P4HA3: variants seen among roughly 807,000 people sequenced by gnomAD.
The protein encoded by P4HA3 is prolyl 4-hydroxylase subunit alpha-3.
Under a neutral mutation model 66.7 loss-of-function variants are expected in P4HA3, and 60 were observed. The observed-to-expected ratio is 0.90, with a 90% CI of 0.73 to 1.12. The LOEUF (loss-of-function observed/expected upper bound fraction) is 1.12. P4HA3 is among the 50% of genes most tolerant of loss of function. The probability of loss-of-function intolerance (pLI) is 0.00; values close to 1 mark genes in which losing one functional copy is unlikely to be tolerated. For missense variants in P4HA3, 683 were observed against 685.8 expected, an observed-to-expected ratio of 1.00 and a Z score of 0.05; for synonymous variants, 263 against 274.6, an observed-to-expected ratio of 0.96 and a Z score of 0.42.
intron 15 of P4HA3, chr11:74,251,903 C>A: frequency 1.2e-6 from 1 of 815,050 alleles, no homozygotes; most frequent in Non-Finnish European, 2.1e-6. Context: ...TTTCTTTGTG[C>A]TGTGCTCCCA....
At chr11:74,284,337 GAAAC>G (rs1860707583) in intron 7 of P4HA3, among the ~76,000 whole-genome samples, 1 of 152,192 alleles carries the variant, frequency 6.6e-6, no homozygotes, top group Non-Finnish European at 1.5e-5. Context: ...TCTGACCAGT[GAAAC>G]ATGGGTGGAA....
chr11:74,297,970 C>T (rs1358519010), intron 4 of P4HA3, among the ~76,000 whole-genome samples: 1 of 152,180 alleles, frequency 6.6e-6, no homozygotes, highest in Non-Finnish European at 1.5e-5. Flanking sequence ...TTGGAAAGAG[C>T]ACTGGACTAA....
At chr11:74,269,306 C>A (rs182835925) in intron 11 of P4HA3, among the ~76,000 whole-genome samples, 110 of 152,194 alleles carry the variant, frequency 7.2e-4, no homozygotes, top group African/African-American at 2.5e-3. Context: ...CTCTAGCTCT[C>A]AATGTGGACT....
chr11:74,294,359 T>G (rs546218955), intron 4 of P4HA3, among the ~76,000 whole-genome samples: 6,035 of 152,242 alleles, frequency 0.04, 122 homozygotes, highest in Middle Eastern at 0.11. Context: ...TAATTTTTTT[T>G]CAAAGCTTTT....
rs1341161052 is a variant in P4HA3 at position 74,269,926 on chromosome 11, A to G, written c.1399-206T>C. Reference sequence around the variant, plus strand: ...TTTGCCTACAGGGCCACAAGAGGACAATGTTTTGGTATTCTTCCTTTCTTT... The same window carrying G: ...TTTGCCTACAGGGCCACAAGAGGACGATGTTTTGGTATTCTTCCTTTCTTT... On this transcript the variant is annotated intron_variant, in intron 10 of 12. Coordinates refer to ENST00000331597, the MANE Select transcript of P4HA3 (RefSeq NM_182904.5). Among the ~76,000 whole-genome samples the G allele has an allele frequency of 2.0e-5, 3 of 152,320 alleles. No homozygotes were observed. In the East Asian group the frequency reaches 5.8e-4, roughly 29 times the overall value.
intron 12 of P4HA3, 101 bp downstream of exon 12, chr11:74,268,044 G>A (rs745568018): frequency 3.0e-6 from 3 of 989,160 alleles, no homozygotes; most frequent in Admixed American, 4.0e-5. Context: ...CTGTAATGAA[G>A]CGTTTGGAAT....
At position 74,304,299 on chromosome 11, in the gene P4HA3, T is replaced by C. The variant is rs760965843; in HGVS notation, c.314A>G (p.His105Arg). The stretch of plus-strand genomic sequence containing the variant: ...GATGTTCTCACTGGCCTCCAGACTA[T>C]GTACCACATTCCTCCAGTCAGACTG... ...RLQSDWRNVV[H>R]SLEASENIRA... is the part of the protein sequence containing the mutation. Residue 105 changes from histidine to arginine, a missense_variant, in exon 2 of 13, where the codon CAT becomes CGT. Coordinates refer to ENST00000331597, the MANE Select transcript of P4HA3 (RefSeq NM_182904.5). 4 of 1,614,076 alleles carry C rather than the reference T, an allele frequency of 2.5e-6. No homozygotes were observed. Among genetic ancestry groups the C allele is most frequent in the South Asian group, 1.1e-5 (1 of 91,070 alleles).
intron 10 of P4HA3, 47 bp from the exon 11 acceptor site, chr11:74,269,767 C>T (rs760453798): frequency 3.8e-6 from 6 of 1,574,602 alleles, no homozygotes; most frequent in South Asian, 1.1e-5. Context: ...CCACCGACTT[C>T]CCTACCCTGT....
chr11:74,292,140 T>G (rs1051695997), intron 4 of P4HA3, among the ~76,000 whole-genome samples: 4 of 152,242 alleles, frequency 2.6e-5, no homozygotes, highest in African/African-American at 9.6e-5. Context: ...ATTGGTCTAT[T>G]CAGAGATTCA....
intron 10 of P4HA3, among the ~76,000 whole-genome samples, chr11:74,270,697 C>G (rs1860165650): frequency 6.6e-6 from 1 of 152,180 alleles, no homozygotes; most frequent in South Asian, 2.1e-4. Context: ...AACCAAGTCT[C>G]AGAGAGCTTA....
chr11:74,305,005 G>A (rs1172289872), intron 1 of P4HA3, among the ~76,000 whole-genome samples: 3 of 152,026 alleles, frequency 2.0e-5, no homozygotes, highest in Admixed American at 1.3e-4. Flanking sequence ...TAAGGTTCAC[G>A]CTCCTATGAG....
chr11:74,253,451 T>G lies in P4HA3; in HGVS notation c.*1319-5450A>C, dbSNP rs372580334. The G allele has an allele frequency of 7.6e-6, 12 of 1,581,946 alleles. No homozygotes were observed. In the East Asian group the frequency reaches 2.7e-4, roughly 35 times the overall value. ...CAGATAAGCAAGGGAAAGCTATTGATAGTTACATTTGTTTTTCCTTCTCTT... is the reference window on the plus strand; with the variant it reads ...CAGATAAGCAAGGGAAAGCTATTGAGAGTTACATTTGTTTTTCCTTCTCTT... On this transcript the variant is annotated intron_variant and NMD_transcript_variant, in intron 15 of 15. Coordinates refer to the P4HA3 transcript ENST00000524388.
chr11:74,294,001 T>C (rs1224525033), intron 4 of P4HA3, among the ~76,000 whole-genome samples: 26 of 152,250 alleles, frequency 1.7e-4, no homozygotes, highest in Admixed American at 1.7e-3. Context: ...CCTGCCTTGC[T>C]AGATTGGGGA....
At chr11:74,251,807 C>A in intron 15 of P4HA3, 2 of 1,517,484 alleles carry the variant, frequency 1.3e-6, no homozygotes, top group South Asian at 1.1e-5. Flanking sequence ...CTGCCTTACC[C>A]CTGCCTGGTT....
chr11:74,251,766 C>G, intron 15 of P4HA3: 1 of 1,598,056 alleles, frequency 6.3e-7, no homozygotes, highest in East Asian at 2.2e-5. Context: ...CCGAATCTGA[C>G]AAGCAGACAC....
intron 15 of P4HA3, among the ~76,000 whole-genome samples, chr11:74,256,766 C>T (rs1344440952): frequency 6.6e-6 from 1 of 152,156 alleles, no homozygotes; most frequent in Non-Finnish European, 1.5e-5. Flanking sequence ...CCAAGGGAAA[C>T]TCCTTCCCAA....
intron 4 of P4HA3, among the ~76,000 whole-genome samples, chr11:74,291,120 T>G (rs1315779256): frequency 6.6e-6 from 1 of 152,212 alleles, no homozygotes; most frequent in Non-Finnish European, 1.5e-5. Context: ...TTTTATTTCC[T>G]TGAGCAGTGG....
intron 15 of P4HA3, among the ~76,000 whole-genome samples, chr11:74,259,586 A>G (rs1365351200): frequency 6.6e-6 from 1 of 152,150 alleles, no homozygotes; most frequent in Non-Finnish European, 1.5e-5. Flanking sequence ...CTCTGTACCC[A>G]TTAAGCAATA....
intron 12 of P4HA3, among the ~76,000 whole-genome samples, 192 bp downstream of exon 12, chr11:74,267,953 C>T (rs1860045490): frequency 6.6e-6 from 1 of 152,208 alleles, no homozygotes; most frequent in South Asian, 2.1e-4. Flanking sequence ...CACTCTGTAA[C>T]AGGAACCCCT....
Sources: gnomAD v4.1 joint callset for allele counts (sites outside exome capture counted in the v4.1 genomes callset) on GRCh38, gnomAD v4.1.1 for gene constraint, MANE v1.5 for transcripts, NCBI Gene and HGNC (gene_info 2026-07-23, HGNC 2026-07-21) for gene names.